The following MAMDC2 variants were observed in gnomAD, a reference collection of about 807,000 sequenced individuals.
MAMDC2 encodes the protein MAM domain-containing protein 2.
Under a neutral mutation model 89.8 loss-of-function variants are expected in MAMDC2, and 57 were observed. The observed-to-expected ratio is 0.63, with a 90% CI of 0.51 to 0.79. MAMDC2 has a LOEUF of 0.79. Among genes scored for constraint, MAMDC2 ranks in the 30% least tolerant of loss-of-function variants. The pLI is 0.00. For synonymous variants in MAMDC2, 313 were observed against 293.4 expected (o/e 1.07, Z -0.68); for missense variants, 800 against 820.6 (o/e 0.97, Z 0.31).
In MAMDC2 at chr9:70,058,947, G is replaced by C. The variant is rs116641160; in HGVS notation, c.148+14250G>C. Among the ~76,000 whole-genome samples, 1,327 of 152,264 alleles carry C rather than the reference G, an allele frequency of 8.7e-3. 19 individuals are homozygous for C. Among genetic ancestry groups the C allele is most frequent in the African/African-American group, 0.03 (1,252 of 41,534 alleles). The stretch of plus-strand genomic sequence containing the variant: ...TCCAAGTTCCAAATGAGATTAACTT[G>C]AGAACTCCTGTGAGAGTCTCACACT... On this transcript the variant is annotated intron_variant, in intron 2 of 13. Coordinates refer to ENST00000377182, the MANE Select transcript of MAMDC2 (RefSeq NM_153267.5).
At chr9:70,169,453 C>G (rs1224302426) in intron 10 of MAMDC2, among the ~76,000 whole-genome samples, 1 of 152,162 alleles carries the variant, frequency 6.6e-6, no homozygotes, top group African/African-American at 2.4e-5. Context: ...CAGTCTGGTG[C>G]TGGAGAATAA....
intron 7 of MAMDC2, among the ~76,000 whole-genome samples, chr9:70,137,475 A>G (rs535192084): frequency 2.0e-5 from 3 of 152,310 alleles, no homozygotes; most frequent in Admixed American, 6.5e-5. Context: ...AATTGCCCCA[A>G]TAACAACCTT....
At chr9:70,208,460 T>C (rs1244035746) in intron 11 of MAMDC2, among the ~76,000 whole-genome samples, 5 of 152,192 alleles carry the variant, frequency 3.3e-5, no homozygotes, top group African/African-American at 1.2e-4. Context: ...ATAGGAATGC[T>C]TGTGATTTTT....
At chr9:70,050,567 G>C (rs1019779461) in intron 2 of MAMDC2, among the ~76,000 whole-genome samples, 2 of 152,162 alleles carry the variant, frequency 1.3e-5, no homozygotes, top group African/African-American at 4.8e-5. Flanking sequence ...TTGTTGTGAA[G>C]ACTATATACA....
At chr9:70,103,913 T>C (rs3015202) in intron 2 of MAMDC2, among the ~76,000 whole-genome samples, 9,644 of 149,768 alleles carry the variant, frequency 0.064, 984 homozygotes, top group African/African-American at 0.22. Flanking sequence ...GCCCAGGAGG[T>C]GGAGGTTGCA....
At chr9:70,167,112 A>G (rs1026707217) in intron 9 of MAMDC2, among the ~76,000 whole-genome samples, 1 of 152,208 alleles carries the variant, frequency 6.6e-6, no homozygotes, top group Non-Finnish European at 1.5e-5. Context: ...TATAAACATG[A>G]GAAAATTAAC....
intron 12 of MAMDC2, among the ~76,000 whole-genome samples, chr9:70,221,735 G>A (rs944951856): frequency 3.3e-5 from 5 of 151,746 alleles, no homozygotes; most frequent in Admixed American, 2.0e-4. Flanking sequence ...GTGTGTGTGT[G>A]TATATCACAT....
intron 6 of MAMDC2, among the ~76,000 whole-genome samples, chr9:70,126,755 C>T (rs2118344962): frequency 6.6e-6 from 1 of 152,202 alleles, no homozygotes; most frequent in South Asian, 2.1e-4. Context: ...TCAGAACCCT[C>T]CAAGTAAAAC....
chr9:70,217,227 C>T (rs878910386), intron 11 of MAMDC2: 8 of 833,656 alleles, frequency 9.6e-6, no homozygotes, highest in South Asian at 2.7e-5. Context: ...TTAGTGGGTA[C>T]AAGATCTACC....
At chr9:70,146,077 C>T (rs934445770) in intron 9 of MAMDC2, among the ~76,000 whole-genome samples, 11 of 152,304 alleles carry the variant, frequency 7.2e-5, no homozygotes, top group South Asian at 4.1e-4. Flanking sequence ...TCACCTCCCC[C>T]GACCCTACTT....
At chr9:70,116,198 T>G (rs2118292028) in intron 5 of MAMDC2, among the ~76,000 whole-genome samples, 1 of 152,254 alleles carries the variant, frequency 6.6e-6, no homozygotes, top group Non-Finnish European at 1.5e-5. Flanking sequence ...AGTGTTTCAT[T>G]TTTCATCCTC....
intron 9 of MAMDC2, among the ~76,000 whole-genome samples, chr9:70,148,825 C>T (rs1212354564): frequency 1.3e-5 from 2 of 149,522 alleles, no homozygotes; most frequent in East Asian, 1.9e-4. Flanking sequence ...GTCAGGAGAT[C>T]GAGACCATCC....
At chr9:70,167,681 A>T (rs2032215035) in intron 9 of MAMDC2, among the ~76,000 whole-genome samples, 1 of 152,364 alleles carries the variant, frequency 6.6e-6, no homozygotes, top group Non-Finnish European at 1.5e-5. Flanking sequence ...CATCCTATAT[A>T]TGAAAAGTAG....
At chr9:70,047,327 A>G (rs925226641) in intron 2 of MAMDC2, among the ~76,000 whole-genome samples, 1 of 151,532 alleles carries the variant, frequency 6.6e-6, no homozygotes, top group Non-Finnish European at 1.5e-5. Context: ...TGCTTTAGGT[A>G]TTTGTCCTAA....
intron 2 of MAMDC2, among the ~76,000 whole-genome samples, chr9:70,099,996 G>GAGAGAA (rs1828130738): frequency 7.0e-6 from 1 of 143,848 alleles, no homozygotes; most frequent in Non-Finnish European, 1.5e-5. Flanking sequence ...GAGAGAGAGA[G>GAGAGAA]AGAGAGAGAG....
intron 11 of MAMDC2, among the ~76,000 whole-genome samples, chr9:70,198,513 C>T (rs534694473): frequency 6.6e-6 from 1 of 152,150 alleles, no homozygotes; most frequent in East Asian, 1.9e-4. Context: ...CCAAGAGTAA[C>T]TATCCAGGTT....
chr9:70,049,150 C>A (rs2117970334), intron 2 of MAMDC2, among the ~76,000 whole-genome samples: 1 of 152,156 alleles, frequency 6.6e-6, no homozygotes, highest in South Asian at 2.1e-4. Flanking sequence ...GGCTTTTGTA[C>A]CCAGGAGTGA....
At chr9:70,214,851 G>T (rs1199707329) in intron 11 of MAMDC2, among the ~76,000 whole-genome samples, 1 of 152,174 alleles carries the variant, frequency 6.6e-6, no homozygotes, top group Non-Finnish European at 1.5e-5. Flanking sequence ...CAGGTTTTGG[G>T]TGTCAACGAC....
At chr9:70,152,284 A>C (rs1563976838) in intron 9 of MAMDC2, among the ~76,000 whole-genome samples, 1 of 152,114 alleles carries the variant, frequency 6.6e-6, no homozygotes, top group Non-Finnish European at 1.5e-5. Context: ...AGCAACGCTA[A>C]GAGTTTCCCT....
Sources: gnomAD v4.1 joint callset for allele counts (sites outside exome capture counted in the v4.1 genomes callset) on GRCh38, gnomAD v4.1.1 for gene constraint, MANE v1.5 for transcripts, NCBI Gene and HGNC (gene_info 2026-07-23, HGNC 2026-07-21) for gene names.